The following RAB3B variants were observed in gnomAD, a reference collection of about 807,000 sequenced individuals.
The protein encoded by RAB3B is RAB3B, member RAS oncogene family.
RAB3B carries 11 observed loss-of-function variants against 20.5 expected under a neutral mutation model. The ratio of observed to expected loss-of-function variants is 0.54; its 90% confidence interval spans 0.34 to 0.89. The LOEUF (loss-of-function observed/expected upper bound fraction) is 0.89, where lower values mean the gene tolerates loss of function less well. RAB3B is among the 40% of genes least tolerant of loss of function. The probability of loss-of-function intolerance (pLI) is 0.02; values close to 1 mark genes in which losing one functional copy is unlikely to be tolerated. For synonymous variants in RAB3B, 99 were observed against 106.3 expected (o/e 0.93, Z 0.42); for missense variants, 225 against 280.9 (o/e 0.80, Z 1.42).
At chr1:51,988,576 T>C (rs767546481) in intron 1 of RAB3B, among the ~76,000 whole-genome samples, 1 of 152,232 alleles carries the variant, frequency 6.6e-6, no homozygotes, top group Non-Finnish European at 1.5e-5. Flanking sequence ...TTTTACAGTT[T>C]ACAAAGTTCT....
In RAB3B at chr1:51,915,378, A is replaced by G. The variant is rs1004147849; in HGVS notation, c.*4549T>C. On this transcript the variant is annotated 3_prime_UTR_variant, in exon 5 of 5. Transcript: ENST00000371655. ...GCTCCATCACTGTGATACTCTCAGA[A>G]TAATTAGGAGATTTCCTTCCATTCT... is the stretch of plus-strand genomic sequence containing the variant. 2.6e-5 allele frequency: 4 copies of G among 152,136 alleles called. No individual in the cohort carries two copies. The highest frequency in any genetic ancestry group is 9.7e-5 in the African/African-American group (4 of 41,426). 9.4% of individuals were successfully genotyped at this position (152,136 alleles called of 1,614,324 possible).
chr1:51,956,846 C>T (rs920773093), intron 2 of RAB3B, among the ~76,000 whole-genome samples: 1 of 152,202 alleles, frequency 6.6e-6, no homozygotes, highest in Non-Finnish European at 1.5e-5. Context: ...CATTTTCATA[C>T]TTATTTTACA....
chr1:51,988,869 T>G (rs567206221), intron 1 of RAB3B, among the ~76,000 whole-genome samples: 6 of 152,088 alleles, frequency 3.9e-5, no homozygotes, highest in Non-Finnish European at 8.8e-5. Context: ...GCTTTTAGAT[T>G]TTTGCCTTTT....
chr1:51,914,004 G>A lies in RAB3B; in HGVS notation c.*5923C>T, dbSNP rs1684046659. ...CCCAGTCATCTCAGCTGGGACCCCA[G>A]ACATGTGGATGTAGCTATCCTAGAC... On this transcript the variant is annotated 3_prime_UTR_variant, in exon 5 of 5. Coordinates refer to ENST00000371655, the MANE Select transcript of RAB3B (RefSeq NM_002867.4). 1 of 152,222 alleles carries A rather than the reference G, an allele frequency of 6.6e-6. No homozygotes were observed. 9.4% of individuals were successfully genotyped at this position (152,222 alleles called of 1,614,324 possible).
chr1:51,930,327 T>C (rs1684305094), intron 4 of RAB3B, among the ~76,000 whole-genome samples: 1 of 152,230 alleles, frequency 6.6e-6, no homozygotes, highest in Non-Finnish European at 1.5e-5. Flanking sequence ...GCTTGAAGGT[T>C]TATAAAGAGA....
intron 2 of RAB3B, among the ~76,000 whole-genome samples, chr1:51,947,394 CAAA>C (rs11326252): frequency 1.4e-5 from 2 of 144,994 alleles, no homozygotes; most frequent in African/African-American, 2.5e-5. Context: ...GACCTTGCCT[CAAA>C]AAAAAAAAAA....
chr1:51,933,487 C>A, intron 3 of RAB3B, 45 bp from the exon 4 acceptor site: 1 of 1,558,292 alleles, frequency 6.4e-7, no homozygotes. Flanking sequence ...TTCCTATAGA[C>A]TGAATGTCTG....
intron 3 of RAB3B, among the ~76,000 whole-genome samples, chr1:51,936,818 CTT>C (rs113857417): frequency 4.8e-5 from 7 of 144,740 alleles, no homozygotes; most frequent in African/African-American, 5.0e-5. Context: ...TCTTTTCTTT[CTT>C]TTTTTTTTTT....
At chr1:51,982,614 G>A (rs1167181) in intron 1 of RAB3B, among the ~76,000 whole-genome samples, 5,457 of 151,992 alleles carry the variant, frequency 0.036, 122 homozygotes, top group Non-Finnish European at 0.043. Flanking sequence ...TTAGCCAGGC[G>A]TGGTGGTGCG....
intron 2 of RAB3B, among the ~76,000 whole-genome samples, chr1:51,944,288 A>C (rs879719880): frequency 6.6e-6 from 1 of 152,216 alleles, no homozygotes; most frequent in African/African-American, 2.4e-5. Context: ...ACCCACTCTC[A>C]GGAAAAAATA....
At chr1:51,979,225 G>A (rs578151715) in intron 1 of RAB3B, among the ~76,000 whole-genome samples, 1 of 151,606 alleles carries the variant, frequency 6.6e-6, no homozygotes, top group Admixed American at 6.6e-5. Context: ...ATGGTACTAG[G>A]TGCAAAGGCT....
intron 1 of RAB3B, among the ~76,000 whole-genome samples, chr1:51,987,789 C>A (rs1378983419): frequency 6.6e-6 from 1 of 152,188 alleles, no homozygotes; most frequent in South Asian, 2.1e-4. Context: ...TACTCAAGAA[C>A]CACAGTTGGC....
In RAB3B at chr1:51,916,364, G is replaced by A. The variant is rs943918012; in HGVS notation, c.*3563C>T. 6.6e-6 allele frequency: 1 copy of A among 152,206 alleles called. No individual in the cohort carries two copies. Among genetic ancestry groups the A allele is most frequent in the African/African-American group, 2.4e-5 (1 of 41,454 alleles). 9.4% of individuals were successfully genotyped at this position (152,206 alleles called of 1,614,324 possible). A position where few individuals can be genotyped will look rare whatever the true frequency, so the allele number is the denominator to read the frequency against. ...AAGAAAACGATTTCATCTTTGCCTGGATATTCAGTAGGAGAGAAAAGATTA... is the reference window on the plus strand; with the variant it reads ...AAGAAAACGATTTCATCTTTGCCTGAATATTCAGTAGGAGAGAAAAGATTA... On this transcript the variant is annotated 3_prime_UTR_variant, in exon 5 of 5. Coordinates refer to ENST00000371655, the MANE Select transcript of RAB3B (RefSeq NM_002867.4).
At chr1:51,971,908 C>T (rs1027090364) in intron 2 of RAB3B, among the ~76,000 whole-genome samples, 5 of 152,074 alleles carry the variant, frequency 3.3e-5, no homozygotes, top group African/African-American at 9.7e-5. Flanking sequence ...AGGCCAGGCA[C>T]GGTGGGTCAC....
rs183280235 is a variant in RAB3B, at chr1:51,986,439, C to T, written c.-1+4113G>A. On this transcript the variant is annotated intron_variant, in intron 1 of 4. Coordinates refer to ENST00000371655, the MANE Select transcript of RAB3B (RefSeq NM_002867.4). The stretch of plus-strand genomic sequence containing the variant: ...TGCTGGGATTACAGGCGTGAGCCAC[C>T]GCGCCCAGCCAAAAAAAGTTTAAAT... Among the ~76,000 whole-genome samples, 818 of 152,080 alleles carry T rather than the reference C, an allele frequency of 5.4e-3. 11 individuals are homozygous for T. The highest frequency in any genetic ancestry group is 0.018 in the African/African-American group (764 of 41,496).
chr1:51,980,760 AC>A (rs1685075971), intron 1 of RAB3B: 1 of 753,396 alleles, frequency 1.3e-6, no homozygotes, highest in African/African-American at 1.7e-5. Flanking sequence ...AGGACCAAAC[AC>A]CCCCACCCTG....
chr1:51,959,825 G>A (rs1452007398), intron 2 of RAB3B, among the ~76,000 whole-genome samples: 2 of 152,192 alleles, frequency 1.3e-5, no homozygotes, highest in Admixed American at 6.5e-5. Context: ...ACCAGGTGTC[G>A]GGTAAATGGG....
chr1:51,987,364 C>G (rs1685166439), intron 1 of RAB3B, among the ~76,000 whole-genome samples: 1 of 152,188 alleles, frequency 6.6e-6, no homozygotes, highest in Non-Finnish European at 1.5e-5. Flanking sequence ...TTAGGCAAAT[C>G]ACACCCCTGG....
intron 2 of RAB3B, among the ~76,000 whole-genome samples, chr1:51,960,287 G>T (rs1684768025): frequency 6.6e-6 from 1 of 152,214 alleles, no homozygotes; most frequent in African/African-American, 2.4e-5. Context: ...AATATGACAA[G>T]AGCAGAGAGG....
Sources: allele counts gnomAD v4.1 joint callset (sites outside exome capture counted in the v4.1 genomes callset), GRCh38; gene constraint gnomAD v4.1.1; transcripts MANE v1.5; gene names NCBI Gene and HGNC (gene_info 2026-07-23, HGNC 2026-07-21).